The following MYO1D variants were observed in gnomAD, a reference collection of about 807,000 sequenced individuals.
The protein encoded by MYO1D is unconventional myosin-Id.
MYO1D carries 83 observed loss-of-function variants against 122.0 expected under a neutral mutation model. That is an observed-to-expected ratio of 0.68 (90% CI 0.57 to 0.82). MYO1D has a LOEUF of 0.82. Ranked by LOEUF, MYO1D falls within the 40% of genes least tolerant of loss-of-function variation. The pLI, the probability that MYO1D is intolerant of heterozygous loss-of-function variation, is 0.00. For synonymous variants in MYO1D, 464 were observed against 446.9 expected (o/e 1.04, Z -0.48); for missense variants, 1,157 against 1,269.5 (o/e 0.91, Z 1.35).
At chr17:32,571,679 T>C (rs2087229532) in intron 21 of MYO1D, among the ~76,000 whole-genome samples, 1 of 152,202 alleles carries the variant, frequency 6.6e-6, no homozygotes, top group Admixed American at 6.5e-5. Flanking sequence ...TGGTGGTATA[T>C]TGAAGAAATA....
chr17:32,648,384 G>T (rs2088330268), intron 19 of MYO1D, among the ~76,000 whole-genome samples: 1 of 152,174 alleles, frequency 6.6e-6, no homozygotes, highest in South Asian at 2.1e-4. Flanking sequence ...TTTTATGAGT[G>T]ATAGAGGTTA....
chr17:32,843,770 C>T (rs2090907529), intron 1 of MYO1D, among the ~76,000 whole-genome samples: 1 of 152,158 alleles, frequency 6.6e-6, no homozygotes, highest in South Asian at 2.1e-4. Flanking sequence ...CTAGAATTAA[C>T]ATGAAGAAAA....
At chr17:32,548,169 G>A (rs2086980712) in intron 21 of MYO1D, among the ~76,000 whole-genome samples, 1 of 152,060 alleles carries the variant, frequency 6.6e-6, no homozygotes, top group Admixed American at 6.5e-5. Context: ...TGTCATTCCA[G>A]CACTTTGGGT....
chr17:32,658,320 T>C (rs908871811), intron 17 of MYO1D, among the ~76,000 whole-genome samples: 1 of 152,218 alleles, frequency 6.6e-6, no homozygotes, highest in African/African-American at 2.4e-5. Flanking sequence ...TTCAAAGTGT[T>C]CTTTATGGAG....
At chr17:32,631,404 T>C (rs2088004459) in intron 20 of MYO1D, among the ~76,000 whole-genome samples, 1 of 152,122 alleles carries the variant, frequency 6.6e-6, no homozygotes. Flanking sequence ...ACTTTGGGAT[T>C]TGAGGCTGAG....
At chr17:32,621,708 A>G (rs915449314) in intron 20 of MYO1D, among the ~76,000 whole-genome samples, 2 of 152,058 alleles carry the variant, frequency 1.3e-5, no homozygotes, top group Non-Finnish European at 2.9e-5. Context: ...CTAAGGACTG[A>G]GAATGTCTGT....
chr17:32,719,240 T>C (rs1226715294), intron 15 of MYO1D, among the ~76,000 whole-genome samples: 1 of 152,060 alleles, frequency 6.6e-6, no homozygotes, highest in Non-Finnish European at 1.5e-5. Flanking sequence ...CTCAAACATA[T>C]CCCAAATCTG....
chr17:32,700,099 A>G (rs1031192158), intron 16 of MYO1D, among the ~76,000 whole-genome samples: 3 of 152,204 alleles, frequency 2.0e-5, no homozygotes, highest in Non-Finnish European at 4.4e-5. Context: ...AAATGTAAAC[A>G]TAAAAAATAA....
chr17:32,853,221 C>A (rs1284646114), intron 1 of MYO1D, among the ~76,000 whole-genome samples: 5 of 152,226 alleles, frequency 3.3e-5, no homozygotes, highest in African/African-American at 1.2e-4. Flanking sequence ...ACTAGTCTCA[C>A]TTGGACTCTT....
At chr17:32,705,724 T>A (rs967326769) in intron 16 of MYO1D, among the ~76,000 whole-genome samples, 3 of 152,150 alleles carry the variant, frequency 2.0e-5, no homozygotes, top group African/African-American at 7.2e-5. Context: ...TTTGGCTGTG[T>A]CCCCACCCAA....
chr17:32,671,500 A>C (rs1242325795), intron 16 of MYO1D, among the ~76,000 whole-genome samples: 1 of 152,240 alleles, frequency 6.6e-6, no homozygotes, highest in Admixed American at 6.5e-5. Flanking sequence ...CTTTTCTGTA[A>C]ATCTAAAATT....
rs192186361 is a variant in MYO1D at position 32,664,885 on chromosome 17, C to G, written c.2122-5547G>C. On this transcript the variant is annotated intron_variant, in intron 16 of 21. Coordinates refer to ENST00000318217, the MANE Select transcript of MYO1D (RefSeq NM_015194.3). ...CTCAAACTCTGCAGTGGCTATTTCCCTGAGCAGAAAAGCCAAAGTCCTTCC... is the reference window on the plus strand; with the variant it reads ...CTCAAACTCTGCAGTGGCTATTTCCGTGAGCAGAAAAGCCAAAGTCCTTCC... Among the ~76,000 whole-genome samples, 99 of 152,306 alleles carry G rather than the reference C, an allele frequency of 6.5e-4. No individual in the cohort carries two copies. The East Asian group carries it at 0.019, about 29-fold the overall frequency.
intron 19 of MYO1D, among the ~76,000 whole-genome samples, chr17:32,640,407 G>A (rs1021685920): frequency 1.0e-4 from 15 of 150,124 alleles, no homozygotes; most frequent in Non-Finnish European, 1.6e-4. Context: ...CATGTGCCAT[G>A]CTGGTGCGCT....
At chr17:32,611,377 G>C (rs1477225354) in intron 20 of MYO1D, among the ~76,000 whole-genome samples, 1 of 152,174 alleles carries the variant, frequency 6.6e-6, no homozygotes, top group Non-Finnish European at 1.5e-5. Flanking sequence ...CCAGTCTTTA[G>C]ACAGAAAGGA....
intron 4 of MYO1D, 58 bp from the exon 5 acceptor site, chr17:32,772,900 G>C: frequency 1.4e-6 from 2 of 1,421,704 alleles, no homozygotes; most frequent in Non-Finnish European, 2.0e-6. Flanking sequence ...AATAAAACAG[G>C]AGCCACTTTC....
chr17:32,605,024 A>T (rs986292534), intron 21 of MYO1D, 63 bp downstream of exon 21: 35 of 1,435,058 alleles, frequency 2.4e-5, no homozygotes, highest in Non-Finnish European at 3.1e-5. Flanking sequence ...AAGCTCAGTG[A>T]TAATTACGAT....
At chr17:32,645,788 C>G (rs1404216467) in intron 19 of MYO1D, among the ~76,000 whole-genome samples, 5 of 152,084 alleles carry the variant, frequency 3.3e-5, no homozygotes, top group African/African-American at 1.2e-4. Flanking sequence ...ATTGGTTATT[C>G]TAGTTAGCCA....
At chr17:32,709,186 T>C (rs1338916292) in intron 16 of MYO1D, among the ~76,000 whole-genome samples, 1 of 152,104 alleles carries the variant, frequency 6.6e-6, no homozygotes, top group Non-Finnish European at 1.5e-5. Context: ...GATTATGTAG[T>C]TTATCCATAC....
At chr17:32,701,058 A>C (rs1419830807) in intron 16 of MYO1D, among the ~76,000 whole-genome samples, 2 of 152,140 alleles carry the variant, frequency 1.3e-5, no homozygotes, top group Non-Finnish European at 2.9e-5. Flanking sequence ...AAAAAAGATA[A>C]TAAGCATAAA....
Sources: allele counts gnomAD v4.1 joint callset (sites outside exome capture counted in the v4.1 genomes callset), GRCh38; gene constraint gnomAD v4.1.1; transcripts MANE v1.5; gene names NCBI Gene and HGNC (gene_info 2026-07-23, HGNC 2026-07-21).